GLDC: variants seen among roughly 807,000 people sequenced by gnomAD.
GLDC encodes the protein glycine dehydrogenase (decarboxylating), mitochondrial.
In GLDC, 104 loss-of-function variants were observed where a neutral mutation model predicts 121.3. That is an observed-to-expected ratio of 0.86 (90% CI 0.73 to 1.01). The LOEUF (loss-of-function observed/expected upper bound fraction) is 1.01. Among genes scored for constraint, GLDC ranks in the 50% least tolerant of loss-of-function variants. The pLI is 0.00. For synonymous variants in GLDC, 546 were observed against 480.6 expected (o/e 1.14, Z -1.78); for missense variants, 1,429 against 1,306.6 (o/e 1.09, Z -1.44).
At chr9:6,546,799 T>C (rs887777525) in intron 21 of GLDC, among the ~76,000 whole-genome samples, 3 of 151,568 alleles carry the variant, frequency 2.0e-5, no homozygotes, top group African/African-American at 7.3e-5. Context: ...CTGTCTCTAC[T>C]AAAAATACAA....
chr9:6,586,391 G>T (rs975824857), intron 15 of GLDC, among the ~76,000 whole-genome samples: 1 of 152,204 alleles, frequency 6.6e-6, no homozygotes, highest in African/African-American at 2.4e-5. Flanking sequence ...CCCGGAGTTT[G>T]TATTTTTAAC....
At chr9:6,642,969 G>A (rs536794981) in intron 2 of GLDC, among the ~76,000 whole-genome samples, 2 of 151,840 alleles carry the variant, frequency 1.3e-5, no homozygotes, top group South Asian at 4.2e-4. Context: ...AGCCATCTTG[G>A]CTCGCTGCAA....
At chr9:6,612,068 T>C (rs538354759) in intron 3 of GLDC, among the ~76,000 whole-genome samples, 1 of 152,110 alleles carries the variant, frequency 6.6e-6, no homozygotes, top group African/African-American at 2.4e-5. Flanking sequence ...CTACACCATG[T>C]ATTGTGTGCC....
intron 2 of GLDC, among the ~76,000 whole-genome samples, chr9:6,633,736 C>T (rs957116413): frequency 2.6e-5 from 4 of 151,232 alleles, no homozygotes; most frequent in Admixed American, 6.6e-5. Flanking sequence ...GCCTGGCCAA[C>T]ACAGCAAAAC....
At chr9:6,538,053 G>C (rs117974351) in intron 22 of GLDC, among the ~76,000 whole-genome samples, 216 of 151,770 alleles carry the variant, frequency 1.4e-3, no homozygotes, top group Non-Finnish European at 2.6e-3. Context: ...AATCCTAACT[G>C]TACCATTTAA....
At chr9:6,558,221 C>T (rs2129733601) in intron 17 of GLDC, 1 of 548,356 alleles carries the variant, frequency 1.8e-6, no homozygotes, top group Non-Finnish European at 3.2e-6. Context: ...CAATTCCTGA[C>T]ACGAAGATGT....
intron 6 of GLDC, 24 bp downstream of exon 6, chr9:6,605,107 C>G: frequency 6.2e-7 from 1 of 1,608,142 alleles, no homozygotes. Context: ...CTCCACGGAC[C>G]CCCCACAAGA....
chr9:6,645,227 C>T lies in GLDC; in HGVS notation c.255+18G>A, dbSNP rs1819718207. The T allele has an allele frequency of 1.5e-5, 24 of 1,572,904 alleles. No individual in the cohort carries two copies. Among genetic ancestry groups the T allele is most frequent in the Non-Finnish European group, 2.1e-5 (24 of 1,159,110 alleles). On this transcript the variant is annotated intron_variant, in intron 1 of 24. Transcript: ENST00000321612. ...AGGGCGGAGGGGAGGCCGCGGAGGG[C>T]CGGGTGGAGGTCCTTACCGCCAGCC... is the stretch of plus-strand genomic sequence containing the variant.
At position 6,576,795 on chromosome 9, in the gene GLDC, T is replaced by C. The variant is rs1362529879; in HGVS notation, c.1850+10346A>G. On this transcript the variant is annotated intron_variant, in intron 15 of 24. Coordinates refer to ENST00000321612, the MANE Select transcript of GLDC (RefSeq NM_000170.3). Reference sequence around the variant, plus strand: ...AGTTAGGATTTCAACAGGTGAATTTTGAAGGAATGCAAACATTCAATCTAT... The same window carrying C: ...AGTTAGGATTTCAACAGGTGAATTTCGAAGGAATGCAAACATTCAATCTAT... 2.0e-5 allele frequency among the ~76,000 whole-genome samples: 3 copies of C among 152,344 alleles called. No homozygotes were observed. The East Asian group carries it at 5.8e-4, about 29-fold the overall frequency.
chr9:6,604,907 T>C (rs1818698911), intron 6 of GLDC, 123 bp from the exon 7 acceptor site: 1 of 915,742 alleles, frequency 1.1e-6, no homozygotes. Flanking sequence ...GTGAACTCCA[T>C]TGCTCATTCA....
chr9:6,612,878 C>T (rs1818888807), intron 3 of GLDC, among the ~76,000 whole-genome samples: 1 of 151,600 alleles, frequency 6.6e-6, no homozygotes, highest in South Asian at 2.1e-4. Context: ...CAAAAAATAA[C>T]CATGAGGCTG....
chr9:6,617,093 C>T (rs1484140477), intron 3 of GLDC, among the ~76,000 whole-genome samples: 1 of 152,094 alleles, frequency 6.6e-6, no homozygotes, highest in Non-Finnish European at 1.5e-5. Context: ...CATTTATTTT[C>T]CCCTCACGTC....
chr9:6,637,119 G>C (rs1168654929), intron 2 of GLDC, among the ~76,000 whole-genome samples: 1 of 151,442 alleles, frequency 6.6e-6, no homozygotes, highest in Non-Finnish European at 1.5e-5. Flanking sequence ...GGGCACAATG[G>C]CTCACGCCTG....
intron 4 of GLDC, among the ~76,000 whole-genome samples, chr9:6,609,849 A>G (rs1418331606): frequency 6.6e-6 from 1 of 152,052 alleles, no homozygotes; most frequent in African/African-American, 2.4e-5. Flanking sequence ...TCCCCAAGCC[A>G]GCACTTCCCA....
chr9:6,558,604 C>A lies in GLDC; in HGVS notation c.2007G>T (p.Glu669Asp). The change falls in exon 17 of 25, where the codon GAG becomes GAT. Residue 669 changes from glutamate to aspartate, a missense_variant. Coordinates refer to ENST00000321612, the MANE Select transcript of GLDC (RefSeq NM_000170.3). ...HMAGMKIQPV[E>D]VDKYGNIDAV... is the part of the protein sequence containing the mutation. ...CATCGATATTCCCATATTTATCCAC[C>A]TCCACAGGCTGAATCTTCATGCCTG... 6.2e-7 allele frequency: 1 copy of A among 1,614,210 alleles called. No homozygotes were observed. The highest frequency in any genetic ancestry group is 1.3e-5 in the African/African-American group (1 of 75,052).
intron 15 of GLDC, among the ~76,000 whole-genome samples, chr9:6,571,484 T>A (rs1817966700): frequency 6.6e-6 from 1 of 152,242 alleles, no homozygotes; most frequent in Non-Finnish European, 1.5e-5. Flanking sequence ...AAGGGTTCCT[T>A]GCAATGAGAC....
chr9:6,536,521 T>A (rs1432881772), intron 22 of GLDC, among the ~76,000 whole-genome samples: 1 of 152,134 alleles, frequency 6.6e-6, no homozygotes, highest in Non-Finnish European at 1.5e-5. Flanking sequence ...TGGCTAAACA[T>A]TCAAAAATAT....
rs141661723 is a variant in GLDC, at chr9:6,644,771, T to C, written c.256-79A>G. 1.4e-4 allele frequency: 131 copies of C among 936,924 alleles called. No individual in the cohort carries two copies. The African/African-American group carries it at 2.0e-3, about 15-fold the overall frequency. The allele number at this position is 936,924 out of a possible 1,614,324, so 58.0% of individuals were successfully genotyped here. On this transcript the variant is annotated intron_variant, in intron 1 of 24. Coordinates refer to ENST00000321612, the MANE Select transcript of GLDC (RefSeq NM_000170.3). The stretch of plus-strand genomic sequence containing the variant: ...TCTGTGTTTTGCGACTACAAAGCCT[T>C]GTGGGAACCTCATTGAAATCGCCTA...
At chr9:6,568,021 A>C (rs1817884937) in intron 15 of GLDC, among the ~76,000 whole-genome samples, 1 of 152,202 alleles carries the variant, frequency 6.6e-6, no homozygotes, top group East Asian at 1.9e-4. Flanking sequence ...CTCAAGAAAA[A>C]CATTTTATAT....
Sources: allele counts gnomAD v4.1 joint callset (sites outside exome capture counted in the v4.1 genomes callset), GRCh38; gene constraint gnomAD v4.1.1; transcripts MANE v1.5; gene names NCBI Gene and HGNC (gene_info 2026-07-23, HGNC 2026-07-21).